Variants in SPICE1 observed in about 807,000 individuals in gnomAD.
The protein encoded by SPICE1 is spindle and centriole-associated protein 1.
A neutral mutation model predicts 102.7 loss-of-function variants in SPICE1; 75 were observed. The ratio of observed to expected loss-of-function variants is 0.73; its 90% CI spans 0.61 to 0.88. The LOEUF (loss-of-function observed/expected upper bound fraction) is 0.88. Ranked by LOEUF, SPICE1 falls within the 40% of genes least tolerant of loss-of-function variation. SPICE1 has a pLI of 0.00. For synonymous variants in SPICE1, 308 were observed against 350.3 expected, an observed-to-expected ratio of 0.88 and a Z score of 1.35; for missense variants, 979 against 1,020.1, an observed-to-expected ratio of 0.96 and a Z score of 0.55.
At chr3:113,488,794 T>C (rs1458241855) in intron 7 of SPICE1, 151 bp downstream of exon 7, 8 of 573,244 alleles carry the variant, frequency 1.4e-5, no homozygotes, top group Non-Finnish European at 2.2e-5. Flanking sequence ...CTTTTTATAT[T>C]ATCCCTGCAA....
intron 1 of SPICE1, among the ~76,000 whole-genome samples, chr3:113,511,529 T>A (rs558824241): frequency 2.3e-4 from 35 of 152,120 alleles, no homozygotes; most frequent in Non-Finnish European, 4.9e-4. Context: ...AAACACCACA[T>A]GTACTCACTT....
rs1559956152 is a variant in SPICE1, at chr3:113,450,444, T to C, written c.2215A>G (p.Met739Val). ...ERIAELNRQS[M>V]EARGKLLQLI... ...TGCAGTAGTTTTCCACGAGCCTCCA[T>C]ACTTTGTCGATTCAATTCTGCAATC... The change falls in exon 15 of 18, where the codon ATG becomes GTG. Residue 739 changes from methionine to valine, a missense_variant. Physicochemically the swap from Met to Val is conservative, Grantham distance 21 (BLOSUM62 1). Coordinates refer to ENST00000295872, the MANE Select transcript of SPICE1 (RefSeq NM_144718.4). The C allele has an allele frequency of 4.3e-6, 7 of 1,613,814 alleles. No individual in the cohort carries two copies. The highest frequency in any genetic ancestry group is 1.6e-4 in the Middle Eastern group (1 of 6,084).
chr3:113,499,902 TA>T (rs1337666558), intron 3 of SPICE1, among the ~76,000 whole-genome samples: 1 of 152,172 alleles, frequency 6.6e-6, no homozygotes, highest in Non-Finnish European at 1.5e-5. Flanking sequence ...TAATGGATGA[TA>T]AAATCAATTC....
At chr3:113,514,484 C>T (rs1331237736) in intron 1 of SPICE1, 12 of 377,320 alleles carry the variant, frequency 3.2e-5, no homozygotes, top group South Asian at 2.2e-4. Flanking sequence ...CCCTCTCCCC[C>T]ATATGGCCCG....
intron 3 of SPICE1, among the ~76,000 whole-genome samples, chr3:113,499,808 C>T (rs1475294006): frequency 1.3e-5 from 2 of 152,122 alleles, no homozygotes; most frequent in African/African-American, 2.4e-5. Flanking sequence ...AAAAGATGTA[C>T]AGAAAGAAAT....
chr3:113,447,986 C>G (rs1233246429), intron 16 of SPICE1, 52 bp downstream of exon 16: 1 of 1,505,020 alleles, frequency 6.6e-7, no homozygotes, highest in Non-Finnish European at 9.0e-7. Flanking sequence ...AAAATACATA[C>G]CAAATTCTTT....
Position 113,457,135 on chromosome 3 carries a change from C to A in SPICE1, c.1657+1G>T. ...TCATGTAACTTTAGAAGAAGACTTACCGTCCTGAAGAGGAGAGAATTTTAA... is the reference window on the plus strand; with the variant it reads ...TCATGTAACTTTAGAAGAAGACTTAACGTCCTGAAGAGGAGAGAATTTTAA... On this transcript the variant is annotated splice_donor_variant, in intron 13 of 17. Transcript: ENST00000295872. LOFTEE classifies it high-confidence loss of function. 6.2e-7 allele frequency: 1 copy of A among 1,612,748 alleles called. No individual in the cohort carries two copies. The highest frequency in any genetic ancestry group is 2.2e-5 in the East Asian group (1 of 44,858).
chr3:113,491,107 A>C (rs942905742), intron 6 of SPICE1, among the ~76,000 whole-genome samples: 4 of 152,190 alleles, frequency 2.6e-5, no homozygotes, highest in African/African-American at 9.7e-5. Flanking sequence ...CCTAGGTCCT[A>C]CTTGTCTCTC....
chr3:113,455,189 C>T (rs971127350), intron 13 of SPICE1, among the ~76,000 whole-genome samples: 1 of 152,042 alleles, frequency 6.6e-6, no homozygotes, highest in Non-Finnish European at 1.5e-5. Flanking sequence ...TTTAAAAAAC[C>T]ATATACAAAT....
intron 15 of SPICE1, chr3:113,449,019 A>G (rs748542143): frequency 4.6e-4 from 70 of 152,190 alleles, no homozygotes; most frequent in Admixed American, 2.0e-3. Context: ...TTTGTACCTC[A>G]GTTTACTTAT....
chr3:113,460,881 G>C, intron 11 of SPICE1, 117 bp from the exon 12 acceptor site: 2 of 772,904 alleles, frequency 2.6e-6, no homozygotes, highest in Middle Eastern at 2.7e-4. Flanking sequence ...ACATATCAAA[G>C]GATATGTATG....
intron 1 of SPICE1, 45 bp from the exon 2 acceptor site, chr3:113,506,650 C>T (rs74467704): frequency 0.041 from 59,055 of 1,448,724 alleles, 1,360 homozygotes; most frequent in East Asian, 0.087. Flanking sequence ...CAAGAAAAAA[C>T]AATAAGCATC....
intron 16 of SPICE1, among the ~76,000 whole-genome samples, chr3:113,447,233 T>C (rs933563367): frequency 1.3e-5 from 2 of 152,168 alleles, no homozygotes; most frequent in African/African-American, 2.4e-5. Flanking sequence ...ATAATTTAAT[T>C]TTTAGAGCTG....
intron 7 of SPICE1, among the ~76,000 whole-genome samples, chr3:113,482,728 T>G (rs1006541024): frequency 6.6e-6 from 1 of 152,200 alleles, no homozygotes; most frequent in African/African-American, 2.4e-5. Context: ...ATGTGTGGTG[T>G]ATTTCTGAGG....
chr3:113,457,180 G>T lies in SPICE1; in HGVS notation c.1613C>A (p.Pro538Gln). 6.2e-7 allele frequency: 1 copy of T among 1,614,146 alleles called. No individual in the cohort carries two copies. Among genetic ancestry groups the T allele is most frequent in the Non-Finnish European group, 8.5e-7 (1 of 1,180,024 alleles). ...TTTTAAGTTGCTCTTCTGCCTGGGT[G>T]GTGTTAACAACACAGCTGGCTCAAA... ...HIFEPAVLLT[P>Q]PRQKSNLKFS... Residue 538 changes from proline to glutamine, a missense_variant, in exon 13 of 18, where the codon CCA (proline) becomes CAA (glutamine). Physicochemically the swap from Pro to Gln is moderately conservative, Grantham distance 76. Coordinates refer to ENST00000295872, the MANE Select transcript of SPICE1 (RefSeq NM_144718.4).
chr3:113,498,374 G>A (rs1193123956), intron 4 of SPICE1, among the ~76,000 whole-genome samples: 2 of 152,184 alleles, frequency 1.3e-5, no homozygotes, highest in Admixed American at 6.5e-5. Flanking sequence ...TTCAGGACAT[G>A]AGCAGGAACC....
At chr3:113,473,569 C>T (rs1936261062) in intron 7 of SPICE1, among the ~76,000 whole-genome samples, 1 of 152,198 alleles carries the variant, frequency 6.6e-6, no homozygotes, top group Non-Finnish European at 1.5e-5. Context: ...GGAAGACCAT[C>T]AGACTAACAG....
chr3:113,458,865 C>T (rs887353492), intron 12 of SPICE1, among the ~76,000 whole-genome samples: 1 of 151,026 alleles, frequency 6.6e-6, no homozygotes, highest in African/African-American at 2.4e-5. Context: ...CCGGCCGCCC[C>T]GTCTGGGAAG....
At chr3:113,495,268 C>G (rs1936858403) in intron 4 of SPICE1, among the ~76,000 whole-genome samples, 1 of 152,228 alleles carries the variant, frequency 6.6e-6, no homozygotes, top group Non-Finnish European at 1.5e-5. Context: ...CAACACTTGA[C>G]TCAAATTGAT....
Sources: allele counts gnomAD v4.1 joint callset (sites outside exome capture counted in the v4.1 genomes callset), GRCh38; gene constraint gnomAD v4.1.1; transcripts MANE v1.5; gene names NCBI Gene and HGNC (gene_info 2026-07-23, HGNC 2026-07-21).